MAF: variants seen among roughly 807,000 people sequenced by gnomAD.
MAF encodes MAF bZIP transcription factor.
In MAF, 10 loss-of-function variants were observed where a neutral mutation model predicts 22.0. The ratio of observed to expected loss-of-function variants is 0.45; its 90% CI spans 0.28 to 0.77. The LOEUF (loss-of-function observed/expected upper bound fraction) is 0.77. Ranked by LOEUF, MAF falls within the 30% of genes least tolerant of loss-of-function variation. The pLI, the probability that MAF is intolerant of heterozygous loss-of-function variation, is 0.12. For synonymous variants in MAF, 337 were observed against 255.8 expected (o/e 1.32, Z -3.03); for missense variants, 544 against 548.4 (o/e 0.99, Z 0.08).
At chr16:79,595,514 T>C (rs1413949683) in intron 1 of MAF, 4 of 1,059,798 alleles carry the variant, frequency 3.8e-6, no homozygotes, top group Non-Finnish European at 4.6e-6. Flanking sequence ...ATTGGTGTGC[T>C]AGGGGAAGAT....
chr16:79,226,089 T>C, the MAF span, among the ~76,000 whole-genome samples: 1 of 152,204 alleles, frequency 6.6e-6, no homozygotes, highest in Non-Finnish European at 1.5e-5. Flanking sequence ...CGTATGTTTA[T>C]TGCAGTACTG....
chr16:79,269,793 A>G, the MAF span, among the ~76,000 whole-genome samples: 1 of 152,084 alleles, frequency 6.6e-6, no homozygotes, highest in Non-Finnish European at 1.5e-5. Flanking sequence ...AAAGGAAGCA[A>G]AGGAATGTAA....
At chr16:79,487,530 G>A in the MAF span, among the ~76,000 whole-genome samples, 1 of 152,040 alleles carries the variant, frequency 6.6e-6, no homozygotes, top group African/African-American at 2.4e-5. Context: ...CTGTTTGGGG[G>A]CAATCCTGAA....
the MAF span, among the ~76,000 whole-genome samples, chr16:79,575,367 A>G: frequency 6.6e-6 from 1 of 152,236 alleles, no homozygotes; most frequent in Admixed American, 6.5e-5. Flanking sequence ...GGAGACAGTC[A>G]GCTATCTTTT....
the MAF span, among the ~76,000 whole-genome samples, chr16:79,317,929 C>G: frequency 6.7e-6 from 1 of 149,282 alleles, no homozygotes; most frequent in South Asian, 2.1e-4. Context: ...CACTCACTCA[C>G]TCACTCACTC....
the MAF span, among the ~76,000 whole-genome samples, chr16:79,483,379 G>A: frequency 6.7e-6 from 1 of 149,056 alleles, no homozygotes; most frequent in Non-Finnish European, 1.5e-5. Context: ...AATAGAACAG[G>A]ACAGCAAAGG....
At chr16:79,540,323 T>G in the MAF span, among the ~76,000 whole-genome samples, 3 of 151,788 alleles carry the variant, frequency 2.0e-5, no homozygotes, top group South Asian at 4.2e-4. Context: ...GAGAGCTCAG[T>G]AACTCTGCTT....
At chr16:79,352,676 T>C in the MAF span, among the ~76,000 whole-genome samples, 1 of 152,208 alleles carries the variant, frequency 6.6e-6, no homozygotes, top group African/African-American at 2.4e-5. Flanking sequence ...ACCCAGTCAC[T>C]GGCTTTCAAC....
the MAF span, chr16:79,211,739 C>T: frequency 1.9e-6 from 3 of 1,614,224 alleles, no homozygotes; most frequent in Non-Finnish European, 2.5e-6. Context: ...CGGCCCGGAC[C>T]CTGTGGGCGC....
At chr16:79,320,450 A>G in the MAF span, among the ~76,000 whole-genome samples, 1 of 152,196 alleles carries the variant, frequency 6.6e-6, no homozygotes, top group African/African-American at 2.4e-5. Context: ...TGGTCAGCCC[A>G]TGAGTTCAGT....
the MAF span, among the ~76,000 whole-genome samples, chr16:79,245,419 A>T: frequency 5.3e-5 from 8 of 152,250 alleles, no homozygotes; most frequent in Admixed American, 5.2e-4. Flanking sequence ...GACACTTATC[A>T]AAAGAAGACA....
At chr16:79,375,697 A>G in the MAF span, among the ~76,000 whole-genome samples, 1 of 152,186 alleles carries the variant, frequency 6.6e-6, no homozygotes, top group Non-Finnish European at 1.5e-5. Flanking sequence ...TCAAAAAGGA[A>G]TTATTAACAT....
At chr16:79,481,391 C>T in the MAF span, among the ~76,000 whole-genome samples, 3 of 152,130 alleles carry the variant, frequency 2.0e-5, no homozygotes, top group African/African-American at 7.2e-5. Flanking sequence ...ACCACAACTG[C>T]AAACCACATA....
the MAF span, among the ~76,000 whole-genome samples, chr16:79,209,742 T>TTTAGAGA: frequency 6.6e-6 from 1 of 152,206 alleles, no homozygotes; most frequent in Non-Finnish European, 1.5e-5. Context: ...AATTCTCCAA[T>TTTAGAGA]TTGTCTTTAG....
the MAF span, among the ~76,000 whole-genome samples, chr16:79,567,051 G>A: frequency 6.6e-6 from 1 of 152,238 alleles, no homozygotes; most frequent in African/African-American, 2.4e-5. Context: ...GGGGCATGGT[G>A]GCTCACGCCT....
At chr16:79,549,648 C>T in the MAF span, among the ~76,000 whole-genome samples, 24 of 152,156 alleles carry the variant, frequency 1.6e-4, no homozygotes, top group African/African-American at 5.3e-4. Context: ...TGAAAATGAT[C>T]CCCGTTGGTT....
chr16:79,293,734 A>G, the MAF span, among the ~76,000 whole-genome samples: 3 of 152,082 alleles, frequency 2.0e-5, no homozygotes, highest in Admixed American at 6.5e-5. Flanking sequence ...GTGTCTGTGA[A>G]GGGGAAAGGC....
At chr16:79,289,852 G>GTTTTTTTT in the MAF span, among the ~76,000 whole-genome samples, 1 of 26,426 alleles carries the variant, frequency 3.8e-5, no homozygotes, top group African/African-American at 1.3e-4. Flanking sequence ...GTTTGTTTGT[G>GTTTTTTTT]TATTTTTTTT....
chr16:79,419,489 G>T, the MAF span, among the ~76,000 whole-genome samples: 2 of 152,204 alleles, frequency 1.3e-5, no homozygotes, highest in East Asian at 3.9e-4. Flanking sequence ...CGATGGCAAG[G>T]CAGGGAGCTT....
Sources: gnomAD v4.1 joint callset for allele counts (sites outside exome capture counted in the v4.1 genomes callset) on GRCh38, gnomAD v4.1.1 for gene constraint, MANE v1.5 for transcripts, NCBI Gene and HGNC (gene_info 2026-07-23, HGNC 2026-07-21) for gene names.